Variants in ABL1 observed in about 807,000 individuals in gnomAD.
ABL1 encodes the protein tyrosine-protein kinase ABL1.
In ABL1, 11 loss-of-function variants were observed where a neutral mutation model predicts 94.7. The ratio of observed to expected loss-of-function variants is 0.12; its 90% CI spans 0.07 to 0.19. The LOEUF is 0.19. ABL1 is among the 10% of genes least tolerant of loss of function. The pLI is 1.00. For missense variants in ABL1, 1,082 were observed against 1,489.4 expected (o/e 0.73, Z 4.50); for synonymous variants, 656 against 622.4 (o/e 1.05, Z -0.80).
At chr9:130,748,067 G>A (rs552064531) in intron 1 of ABL1, among the ~76,000 whole-genome samples, 1 of 152,176 alleles carries the variant, frequency 6.6e-6, no homozygotes, top group Admixed American at 6.5e-5. Context: ...GGCTATTGTC[G>A]GTATTTTTAA....
chr9:130,768,855 C>A (rs1242306509), intron 1 of ABL1, among the ~76,000 whole-genome samples: 1 of 152,118 alleles, frequency 6.6e-6, no homozygotes, highest in Non-Finnish European at 1.5e-5. Flanking sequence ...TCATTCTGTA[C>A]AACACTCTGT....
chr9:130,863,229 G>A lies in ABL1; in HGVS notation c.822+194G>A, dbSNP rs1831104503. On this transcript the variant is annotated intron_variant, in intron 4 of 10. Transcript: ENST00000318560. This position sits in a 1 kb window ranked among gnomAD's most constrained non-coding sequence, Gnocchi z 4.3. ...GGAATCATTCTCATAGTCCGAGTGT[G>A]TTTCCACATATGGTGAGAGCTGACA... 6.6e-6 allele frequency among the ~76,000 whole-genome samples: 1 copy of A among 152,176 alleles called. No individual in the cohort carries two copies. The highest frequency in any genetic ancestry group is 2.1e-4 in the South Asian group (1 of 4,830).
chr9:130,879,034 C>T (rs36044635), intron 8 of ABL1, among the ~76,000 whole-genome samples: 2,470 of 152,178 alleles, frequency 0.016, 81 homozygotes, highest in African/African-American at 0.056. Context: ...TGCACCACCA[C>T]GCCCGGCTAA....
At chr9:130,779,129 C>A (rs2132780645) in intron 1 of ABL1, among the ~76,000 whole-genome samples, 1 of 152,304 alleles carries the variant, frequency 6.6e-6, no homozygotes. Flanking sequence ...TTTCTAATTA[C>A]TTGTGTGCAG....
chr9:130,848,600 C>G (rs529057042), intron 1 of ABL1, among the ~76,000 whole-genome samples: 56 of 151,740 alleles, frequency 3.7e-4, no homozygotes, highest in Non-Finnish European at 6.6e-4. Context: ...TAACAACAAT[C>G]CACATTTTTT....
At chr9:130,713,852 T>C (rs530296443) in exon 1 of ABL1, 1 of 226,336 alleles carries the variant, frequency 4.4e-6, no homozygotes, top group African/African-American at 2.2e-5. Flanking sequence ...GCAGGAAATT[T>C]GTTGGAAGAT....
At chr9:130,815,291 G>A (rs1830269264) in intron 1 of ABL1, among the ~76,000 whole-genome samples, 1 of 151,152 alleles carries the variant, frequency 6.6e-6, no homozygotes, top group Admixed American at 6.6e-5. Context: ...CTGAGATCAT[G>A]CCACCGCACT....
At chr9:130,739,362 ATT>A (rs140520319) in intron 1 of ABL1, among the ~76,000 whole-genome samples, 3 of 146,174 alleles carry the variant, frequency 2.1e-5, no homozygotes, top group African/African-American at 7.5e-5. Flanking sequence ...GTCCTTCCTG[ATT>A]TTTTTTTTTT....
chr9:130,881,898 C>T (rs1056199450), intron 10 of ABL1, among the ~76,000 whole-genome samples: 2 of 150,264 alleles, frequency 1.3e-5, no homozygotes, highest in Non-Finnish European at 3.0e-5. Context: ...CAAAAAAAAA[C>T]AGAACATGCA....
At chr9:130,752,010 A>G (rs1831973137) in intron 1 of ABL1, among the ~76,000 whole-genome samples, 1 of 152,234 alleles carries the variant, frequency 6.6e-6, no homozygotes, top group Non-Finnish European at 1.5e-5. Context: ...TCCATCCACC[A>G]TATTCGCTCC....
intron 1 of ABL1, among the ~76,000 whole-genome samples, chr9:130,728,725 A>T (rs1021693998): frequency 4.0e-5 from 6 of 150,620 alleles, no homozygotes; most frequent in African/African-American, 1.2e-4. Flanking sequence ...TTTTCTGCTG[A>T]GATTCACCAT....
chr9:130,836,817 T>G (rs1176463993), intron 1 of ABL1, among the ~76,000 whole-genome samples: 1 of 113,722 alleles, frequency 8.8e-6, no homozygotes, highest in African/African-American at 4.0e-5. Flanking sequence ...ACAGCAAGAC[T>G]CGGTCTCAAA....
intron 1 of ABL1, among the ~76,000 whole-genome samples, chr9:130,791,322 C>T (rs1291791387): frequency 8.6e-5 from 13 of 151,934 alleles, no homozygotes; most frequent in African/African-American, 2.9e-4. Flanking sequence ...ATAATGAGAA[C>T]GAAGTGAAAT....
At chr9:130,778,692 A>G (rs542393956) in intron 1 of ABL1, among the ~76,000 whole-genome samples, 20 of 151,548 alleles carry the variant, frequency 1.3e-4, no homozygotes, top group Admixed American at 1.3e-3. Flanking sequence ...AATATCTAGT[A>G]TGATGACAGC....
At chr9:130,779,923 A>C (rs1429283192) in intron 1 of ABL1, among the ~76,000 whole-genome samples, 1 of 152,148 alleles carries the variant, frequency 6.6e-6, no homozygotes, top group Non-Finnish European at 1.5e-5. Context: ...TAATAGAGCC[A>C]CTCTGCTTTC....
chr9:130,859,209 T>C (rs966625502), intron 3 of ABL1, among the ~76,000 whole-genome samples: 3 of 152,262 alleles, frequency 2.0e-5, no homozygotes, highest in African/African-American at 7.2e-5. Context: ...GAGATGCCCC[T>C]GTCACGTTCC....
chr9:130,807,412 G>A (rs1830140081), intron 1 of ABL1, among the ~76,000 whole-genome samples: 1 of 151,536 alleles, frequency 6.6e-6, no homozygotes, highest in Admixed American at 6.6e-5. Flanking sequence ...ACTAATTTTT[G>A]TATTTTTAGT....
chr9:130,759,118 G>A (rs1233295908), intron 1 of ABL1, among the ~76,000 whole-genome samples: 2 of 149,410 alleles, frequency 1.3e-5, no homozygotes, highest in Admixed American at 6.8e-5. Flanking sequence ...AAGAGAAGAC[G>A]ACACTTAAAC....
Position 130,854,874 on chromosome 9 carries a change from C to T in ABL1, c.327C>T (p.Gly109=), listed in dbSNP as rs752248660. The T allele has an allele frequency of 1.9e-6, 3 of 1,614,202 alleles. No homozygotes were observed. The South Asian group carries it at 3.3e-5, about 18-fold the overall frequency. The change falls in exon 3 of 11, where the codon GGC becomes GGT. Residue 109 remains glycine, a synonymous_variant. Coordinates refer to ENST00000318560, the MANE Select transcript of ABL1 (RefSeq NM_005157.6). ...WCEAQTKNGQ[G]WVPSNYITPV... ...AAGCCCAAACCAAAAATGGCCAAGGCTGGGTCCCAAGCAACTACATCACGC... is the reference window on the plus strand; with the variant it reads ...AAGCCCAAACCAAAAATGGCCAAGGTTGGGTCCCAAGCAACTACATCACGC...
Sources: gnomAD v4.1 joint callset for allele counts (sites outside exome capture counted in the v4.1 genomes callset) on GRCh38, gnomAD v4.1.1 for gene constraint, Gnocchi (gnomAD v3.1) non-coding constraint, MANE v1.5 for transcripts, NCBI Gene and HGNC (gene_info 2026-07-23, HGNC 2026-07-21) for gene names.